Variants in LMBR1 observed in about 807,000 individuals in gnomAD.
LMBR1 encodes the protein limb region 1 protein homolog.
A neutral mutation model predicts 73.9 loss-of-function variants in LMBR1; 52 were observed. The ratio of observed to expected loss-of-function variants is 0.70; its 90% CI spans 0.56 to 0.89. LMBR1 has a LOEUF of 0.89. LMBR1 is among the 40% of genes least tolerant of loss of function. The probability of loss-of-function intolerance (pLI) is 0.00; values close to 1 mark genes in which losing one functional copy is unlikely to be tolerated. For missense variants in LMBR1, 539 were observed against 579.8 expected, an observed-to-expected ratio of 0.93 and a Z score of 0.72; for synonymous variants, 215 against 209.4, an observed-to-expected ratio of 1.03 and a Z score of -0.23.
chr7:156,778,912 T>G (rs893818348), intron 5 of LMBR1, among the ~76,000 whole-genome samples: 2 of 152,196 alleles, frequency 1.3e-5, no homozygotes, highest in Non-Finnish European at 2.9e-5. Flanking sequence ...AATCAGGAGC[T>G]AGAAAGCCCC....
chr7:156,740,883 C>T (rs1818757486), intron 9 of LMBR1, among the ~76,000 whole-genome samples: 1 of 152,130 alleles, frequency 6.6e-6, no homozygotes, highest in Non-Finnish European at 1.5e-5. Context: ...GGTGTGTAAA[C>T]TACTCTTATC....
intron 12 of LMBR1, among the ~76,000 whole-genome samples, chr7:156,726,590 A>G (rs551673200): frequency 6.6e-6 from 1 of 152,344 alleles, no homozygotes; most frequent in South Asian, 2.1e-4. Context: ...CACAGATTAC[A>G]TCTAATAGAA....
chr7:156,790,310 C>T (rs1425017343), intron 5 of LMBR1, among the ~76,000 whole-genome samples: 1 of 151,972 alleles, frequency 6.6e-6, no homozygotes, highest in African/African-American at 2.4e-5. Context: ...GTCTTGGGTA[C>T]TTTACCAACC....
intron 5 of LMBR1, among the ~76,000 whole-genome samples, chr7:156,765,766 C>A (rs1017869162): frequency 6.6e-6 from 1 of 152,146 alleles, no homozygotes; most frequent in African/African-American, 2.4e-5. Flanking sequence ...TCTTTCCCTG[C>A]CTCCAACCAG....
chr7:156,713,325 A>G lies in LMBR1; in HGVS notation c.1225+10787T>C, dbSNP rs538005162. Among the ~76,000 whole-genome samples the G allele has an allele frequency of 3.2e-3, 483 of 152,256 alleles. 2 individuals carry two copies. The highest frequency in any genetic ancestry group is 0.011 in the African/African-American group (452 of 41,550). ...GATGCCATAACAGTGGATATGGGAC[A>G]TTATACATTTGCCCAAACCCATAGA... On this transcript the variant is annotated intron_variant, in intron 15 of 16. Coordinates refer to ENST00000353442, the MANE Select transcript of LMBR1 (RefSeq NM_022458.4).
chr7:156,884,272 A>T (rs1801540856), intron 1 of LMBR1, among the ~76,000 whole-genome samples: 3 of 152,186 alleles, frequency 2.0e-5, no homozygotes, highest in Admixed American at 6.5e-5. Context: ...GCACACACCT[A>T]GGCCTTGATG....
At chr7:156,719,734 T>C (rs561676262) in intron 15 of LMBR1, among the ~76,000 whole-genome samples, 1,820 of 152,246 alleles carry the variant, frequency 0.012, 39 homozygotes, top group African/African-American at 0.041. Flanking sequence ...CAAAACAGCA[T>C]GGTACTGGTA....
intron 9 of LMBR1, among the ~76,000 whole-genome samples, chr7:156,736,172 C>CTTTG (rs998893101): frequency 6.6e-6 from 1 of 152,188 alleles, no homozygotes; most frequent in Non-Finnish European, 1.5e-5. Flanking sequence ...GAGCCGTGAA[C>CTTTG]TTTGATGAGC....
At chr7:156,892,776 G>A (rs1406300419) in intron 1 of LMBR1, 152 bp downstream of exon 1, 8 of 424,448 alleles carry the variant, frequency 1.9e-5, no homozygotes, top group Admixed American at 9.7e-5. Context: ...GAGGGGAGAG[G>A]AGGGGTGGGG....
chr7:156,823,386 A>G (rs894586252), intron 4 of LMBR1: 1 of 152,202 alleles, frequency 6.6e-6, no homozygotes, highest in Admixed American at 6.5e-5. Context: ...AAAACAGTTT[A>G]GCAATTAATA....
intron 1 of LMBR1, among the ~76,000 whole-genome samples, chr7:156,861,453 G>T (rs562747313): frequency 6.6e-6 from 1 of 152,130 alleles, no homozygotes; most frequent in Non-Finnish European, 1.5e-5. Context: ...AATGGGAGGG[G>T]CTGCCACAAA....
chr7:156,747,096 T>C (rs190293006), intron 9 of LMBR1, among the ~76,000 whole-genome samples: 32 of 152,276 alleles, frequency 2.1e-4, no homozygotes, highest in African/African-American at 7.7e-4. Context: ...TCAAAGGAAA[T>C]TGTAAGAGTA....
chr7:156,833,929 G>C, intron 2 of LMBR1, 137 bp from the exon 3 acceptor site: 2 of 592,796 alleles, frequency 3.4e-6, no homozygotes, highest in East Asian at 3.0e-5. Flanking sequence ...CACTGTATTT[G>C]TTTCAGCATA....
chr7:156,826,126 C>T (rs558285574), intron 4 of LMBR1, among the ~76,000 whole-genome samples: 12 of 152,250 alleles, frequency 7.9e-5, no homozygotes, highest in East Asian at 5.8e-4. Context: ...ATTATAAGCG[C>T]GTGCCACCAT....
Position 156,763,758 on chromosome 7 carries a change from A to T in LMBR1, c.461T>A (p.Leu154His). The T allele has an allele frequency of 1.2e-6, 2 of 1,604,396 alleles. No individual in the cohort carries two copies. Among genetic ancestry groups the T allele is most frequent in the Non-Finnish European group, 1.7e-6 (2 of 1,177,686 alleles). ...AAGAATGAGTAACGCAAGAAGAAGA[A>T]GCATGACCAAAGTCTCTAAAATGCG... is the stretch of plus-strand genomic sequence containing the variant. ...RARILETLVM[L>H]LLLALLILGI... is the part of the protein sequence containing the mutation. Residue 154 changes from leucine to histidine, a missense_variant, in exon 6 of 17, where the codon CTT (leucine) becomes CAT (histidine). Leu to His is a moderately conservative substitution (Grantham distance 99, BLOSUM62 -3). Transcript: ENST00000353442.
intron 1 of LMBR1, 52 bp downstream of exon 1, chr7:156,892,876 A>G (rs1310326901): frequency 7.5e-6 from 10 of 1,330,038 alleles, no homozygotes; most frequent in African/African-American, 1.6e-5. Flanking sequence ...GCGGGGACGG[A>G]GGGCCCGGGC....
At chr7:156,840,013 T>C (rs554296425) in intron 1 of LMBR1, among the ~76,000 whole-genome samples, 9 of 152,266 alleles carry the variant, frequency 5.9e-5, no homozygotes, top group African/African-American at 1.2e-4. Context: ...ACAAGAGCAA[T>C]GGAGAGAAGA....
At chr7:156,845,468 G>T (rs1313311925) in intron 1 of LMBR1, among the ~76,000 whole-genome samples, 1 of 151,982 alleles carries the variant, frequency 6.6e-6, no homozygotes, top group Non-Finnish European at 1.5e-5. Context: ...AAATAGTTAT[G>T]AAGATAATAA....
intron 15 of LMBR1, among the ~76,000 whole-genome samples, chr7:156,719,109 A>G (rs1813891021): frequency 6.7e-6 from 1 of 149,856 alleles, no homozygotes; most frequent in South Asian, 2.1e-4. Context: ...CATTAGGTAT[A>G]TCTCCTAATG....
Sources: gnomAD v4.1 joint callset for allele counts (sites outside exome capture counted in the v4.1 genomes callset) on GRCh38, gnomAD v4.1.1 for gene constraint, MANE v1.5 for transcripts, NCBI Gene and HGNC (gene_info 2026-07-23, HGNC 2026-07-21) for gene names.